NCOR2: variants seen among roughly 807,000 people sequenced by gnomAD.
NCOR2 encodes the protein nuclear receptor corepressor 2.
In NCOR2, 81 loss-of-function variants were observed where a neutral mutation model predicts 262.9. The observed-to-expected ratio is 0.31, with a 90% CI of 0.26 to 0.37. NCOR2 has a LOEUF of 0.37. Among genes scored for constraint, NCOR2 ranks in the 10% least tolerant of loss-of-function variants. NCOR2 has a pLI of 1.00. For missense variants in NCOR2, 3,385 were observed against 3,621.4 expected (o/e 0.93, Z 1.68); for synonymous variants, 1,659 against 1,559.3 (o/e 1.06, Z -1.51).
rs2051650475 is a variant in NCOR2, at chr12:124,549,630, C to T, written c.-164-14019G>A. ...TCACAGCCACAGTGACTCCTGACTCCCCACTGCAACCCAGGAGGTAAATGC... is the reference window on the plus strand; with the variant it reads ...TCACAGCCACAGTGACTCCTGACTCTCCACTGCAACCCAGGAGGTAAATGC... On this transcript the variant is annotated intron_variant, in intron 1 of 32. Coordinates refer to the NCOR2 transcript ENST00000458234. The surrounding 1 kb of genome is among the most constrained non-coding windows in gnomAD (Gnocchi z 4.4). 6.6e-6 allele frequency among the ~76,000 whole-genome samples: 1 copy of T among 152,128 alleles called. No individual in the cohort carries two copies. Among genetic ancestry groups the T allele is most frequent in the Non-Finnish European group, 1.5e-5 (1 of 68,018 alleles).
chr12:124,382,690 C>T (rs2040498243), intron 17 of NCOR2, among the ~76,000 whole-genome samples: 1 of 152,248 alleles, frequency 6.6e-6, no homozygotes, highest in South Asian at 2.1e-4. Flanking sequence ...CAGGAAAACC[C>T]CATCCATGTC....
rs1027835596 is a variant in NCOR2 at position 124,349,461 on chromosome 12, A to G, written c.3844+1126T>C. 1.1e-4 allele frequency among the ~76,000 whole-genome samples: 17 copies of G among 152,230 alleles called. 1 individual carries two copies. Among genetic ancestry groups the G allele is most frequent in the African/African-American group, 4.1e-4 (17 of 41,552 alleles). The stretch of plus-strand genomic sequence containing the variant: ...GCTGTTCAGAAAACGTTCCAAATTA[A>G]TCGCCGATGTTTAAACATCGGGAGA... On this transcript the variant is annotated intron_variant, in intron 28 of 46. Transcript: ENST00000405201.
At chr12:124,345,051 T>G (rs749631767) in intron 31 of NCOR2, 100 bp from the exon 34 acceptor site, 21 of 1,124,204 alleles carry the variant, frequency 1.9e-5, no homozygotes, top group Non-Finnish European at 2.6e-5. Context: ...ATCTATAAGA[T>G]GGAAGTGACA....
chr12:124,558,788 A>C (rs2051971045), intron 1 of NCOR2, among the ~76,000 whole-genome samples: 1 of 152,122 alleles, frequency 6.6e-6, no homozygotes, highest in Non-Finnish European at 1.5e-5. Flanking sequence ...CTGCAGGGAC[A>C]ATTGCACCCC....
At position 124,430,802 on chromosome 12, in the gene NCOR2, G is replaced by C; in HGVS notation, c.883-15C>G. ...AACTTCTGCTCCTGGGAGAGCGCAG[G>C]GGGCACTGCGGAAGATGCTCCTGCA... On this transcript the variant is annotated splice_polypyrimidine_tract_variant and intron_variant, in intron 8 of 46. Transcript: ENST00000405201. 6.3e-7 allele frequency: 1 copy of C among 1,590,426 alleles called. No individual in the cohort carries two copies. The highest frequency in any genetic ancestry group is 8.6e-7 in the Non-Finnish European group (1 of 1,165,926).
intron 7 of NCOR2, among the ~76,000 whole-genome samples, chr12:124,447,517 TC>T (rs899765887): frequency 6.6e-6 from 1 of 152,208 alleles, no homozygotes; most frequent in African/African-American, 2.4e-5. Context: ...GCTTAAAATA[TC>T]ACTCACTTTA....
chr12:124,450,884 C>T (rs1398506869), intron 6 of NCOR2, among the ~76,000 whole-genome samples: 1 of 152,212 alleles, frequency 6.6e-6, no homozygotes, highest in African/African-American at 2.4e-5. Flanking sequence ...TGGGGTTAAA[C>T]TCATAGGATT....
intron 1 of NCOR2, among the ~76,000 whole-genome samples, chr12:124,553,874 T>C (rs1384826369): frequency 2.0e-5 from 3 of 152,108 alleles, no homozygotes; most frequent in Non-Finnish European, 4.4e-5. Flanking sequence ...GGAGGAGACG[T>C]CCAAGAGCCC....
chr12:124,378,415 TG>T lies in NCOR2; in HGVS notation c.2020-32del. ...GCACAGGGAAGCAGCAGATCAGGAC[TG>T]GGGCCTGGGCTGTCAGCTCGGGGAC... On this transcript the variant is annotated intron_variant, in intron 17 of 46. Coordinates refer to ENST00000405201, the Ensembl canonical transcript of NCOR2. This position sits in a 1 kb window ranked among gnomAD's most constrained non-coding sequence, Gnocchi z 4.2. The T allele has an allele frequency of 6.3e-7, 1 of 1,591,664 alleles. No individual in the cohort carries two copies.
intron 7 of NCOR2, among the ~76,000 whole-genome samples, chr12:124,439,367 G>GA (rs2044671575): frequency 1.2e-4 from 1 of 8,546 alleles, no homozygotes; most frequent in Admixed American, 1.1e-3. Flanking sequence ...ACAGAGACCC[G>GA]GAGACAGAGG....
chr12:124,332,275 C>G (rs753053410), intron 43 of NCOR2, 44 bp downstream of exon 45: 2 of 1,607,758 alleles, frequency 1.2e-6, no homozygotes, highest in Non-Finnish European at 1.7e-6. Context: ...GCCACCCGCC[C>G]ACCTGTGGCC....
chr12:124,464,164 G>A lies in NCOR2; in HGVS notation c.705+2009C>T, dbSNP rs76268939. Among the ~76,000 whole-genome samples, 580 of 151,798 alleles carry A rather than the reference G, an allele frequency of 3.8e-3. 1 individual carries two copies. Among genetic ancestry groups the A allele is most frequent in the African/African-American group, 0.012 (512 of 41,088 alleles). ...TGAAAACTCCTTTTCCTGAAAAAAG[G>A]GTTTTCAGTATTAAGTAGAGGGTTG... On this transcript the variant is annotated intron_variant, in intron 5 of 46. Transcript: ENST00000405201.
intron 1 of NCOR2, among the ~76,000 whole-genome samples, chr12:124,559,536 T>C (rs1312828269): frequency 6.6e-6 from 1 of 152,194 alleles, no homozygotes; most frequent in Non-Finnish European, 1.5e-5. Context: ...GGTTTCCTCC[T>C]ATGGAATGCT....
intron 1 of NCOR2, among the ~76,000 whole-genome samples, chr12:124,518,599 C>A (rs1032589357): frequency 5.3e-5 from 8 of 152,288 alleles, no homozygotes; most frequent in Non-Finnish European, 1.0e-4. Flanking sequence ...TTACATAAGT[C>A]CACTCCTCTT....
exon 31 of NCOR2, chr12:124,346,756 G>A (rs1315008688): frequency 6.4e-7 from 1 of 1,556,892 alleles, no homozygotes; most frequent in Admixed American, 1.9e-5. Flanking sequence ...GGTCCCGTGA[G>A]GGCGGTGGGG....
chr12:124,542,312 C>A (rs2051396598), intron 1 of NCOR2, among the ~76,000 whole-genome samples: 1 of 152,128 alleles, frequency 6.6e-6, no homozygotes, highest in East Asian at 1.9e-4. Flanking sequence ...TCCCTCTCAG[C>A]CCAGCCTCCC....
rs1037293588 is a variant in NCOR2, at chr12:124,443,048, G to A, written c.816-5052C>T. Among the ~76,000 whole-genome samples, 1 of 152,216 alleles carries A rather than the reference G, an allele frequency of 6.6e-6. No homozygotes were observed. Among genetic ancestry groups the A allele is most frequent in the African/African-American group, 2.4e-5 (1 of 41,454 alleles). ...CCCCCAGAGCCTTCTAGAGAATGTGGTCCTGCAGCACCTTGATTTCCAACT... is the reference window on the plus strand; with the variant it reads ...CCCCCAGAGCCTTCTAGAGAATGTGATCCTGCAGCACCTTGATTTCCAACT... On this transcript the variant is annotated intron_variant, in intron 7 of 46. Transcript: ENST00000405201. This position sits in a 1 kb window ranked among gnomAD's most constrained non-coding sequence, Gnocchi z 4.4.
chr12:124,403,021 G>C (rs1202356264), intron 13 of NCOR2, among the ~76,000 whole-genome samples: 4 of 152,332 alleles, frequency 2.6e-5, no homozygotes, highest in South Asian at 4.1e-4. Flanking sequence ...AAGAGGGGCA[G>C]ATGTGATCTG....
At chr12:124,333,042 T>C in intron 42 of NCOR2, 88 bp downstream of exon 44, 1 of 1,480,720 alleles carries the variant, frequency 6.8e-7, no homozygotes. Context: ...CTTGTCACTC[T>C]CCACATGGCA....
Sources: gnomAD v4.1 joint callset for allele counts (sites outside exome capture counted in the v4.1 genomes callset) on GRCh38, gnomAD v4.1.1 for gene constraint, Gnocchi (gnomAD v3.1) non-coding constraint, MANE v1.5 for transcripts, NCBI Gene and HGNC (gene_info 2026-07-23, HGNC 2026-07-21) for gene names.